Variants in ENPP1 observed in about 807,000 individuals in gnomAD.
ENPP1 encodes the protein ectonucleotide pyrophosphatase/phosphodiesterase family member 1.
Under a neutral mutation model 122.8 loss-of-function variants are expected in ENPP1, and 73 were observed. The ratio of observed to expected loss-of-function variants is 0.59; its 90% CI spans 0.49 to 0.72. The LOEUF (loss-of-function observed/expected upper bound fraction) is 0.72. ENPP1 is among the 30% of genes least tolerant of loss of function. The pLI is 0.00. For synonymous variants in ENPP1, 367 were observed against 391.6 expected (o/e 0.94, Z 0.74); for missense variants, 978 against 1,128.1 (o/e 0.87, Z 1.91).
intron 6 of ENPP1, among the ~76,000 whole-genome samples, chr6:131,857,658 G>A (rs906979576): frequency 6.6e-6 from 1 of 152,028 alleles, no homozygotes; most frequent in South Asian, 2.1e-4. Flanking sequence ...TGTGGGGTGG[G>A]GTGAGGGGGG....
rs140248167 is a variant in ENPP1, at chr6:131,875,849, A to G, written c.1709A>G (p.Tyr570Cys). 6 of 1,613,136 alleles carry G rather than the reference A, an allele frequency of 3.7e-6. No homozygotes were observed. The African/African-American group carries it at 4.0e-5, about 11-fold the overall frequency. ...EADTFENIEVYNLMCDLLNLT... is the reference protein window; with the variant it reads ...EADTFENIEVCNLMCDLLNLT... The stretch of plus-strand genomic sequence containing the variant: ...GACACCTTTGAAAACATTGAAGTCT[A>G]TAACTTAATGTGTGGTAAGTGTGAA... Residue 570 changes from tyrosine (Y) to cysteine (C), a missense_variant, in exon 17 of 25, where the codon TAT (tyrosine) becomes TGT (cysteine). This residue lies in a region of ENPP1 where 644 missense variants were observed against 781.5 expected (regional missense o/e 0.82). Transcript: ENST00000647893.
intron 12 of ENPP1, among the ~76,000 whole-genome samples, chr6:131,868,682 C>T (rs535096022): frequency 6.6e-6 from 1 of 152,350 alleles, no homozygotes; most frequent in South Asian, 2.1e-4. Context: ...TGCTCTCAAG[C>T]TCCCACTGCT....
At chr6:131,840,320 C>G (rs1781724390) in intron 1 of ENPP1, among the ~76,000 whole-genome samples, 1 of 152,168 alleles carries the variant, frequency 6.6e-6, no homozygotes, top group Non-Finnish European at 1.5e-5. Context: ...TGGTCTTCAG[C>G]TACTGTTGAA....
intron 24 of ENPP1, among the ~76,000 whole-genome samples, chr6:131,889,505 T>C (rs971026305): frequency 6.6e-6 from 1 of 152,174 alleles, no homozygotes; most frequent in African/African-American, 2.4e-5. Context: ...GTTTCTGCAT[T>C]AGTTTGCTAA....
chr6:131,827,139 A>G (rs1272275835), intron 1 of ENPP1: 1 of 721,992 alleles, frequency 1.4e-6, no homozygotes, highest in Admixed American at 1.8e-5. Flanking sequence ...TGTTGAGCAT[A>G]AAAAGATGCA....
chr6:131,884,061 AT>A (rs1782346331), intron 22 of ENPP1, among the ~76,000 whole-genome samples: 1 of 152,220 alleles, frequency 6.6e-6, no homozygotes, highest in Non-Finnish European at 1.5e-5. Context: ...ATTAACTTTC[AT>A]TCGGCTTCCT....
intron 7 of ENPP1, among the ~76,000 whole-genome samples, chr6:131,859,380 CT>C (rs1236804784): frequency 1.4e-4 from 21 of 150,724 alleles, no homozygotes; most frequent in African/African-American, 4.6e-4. Context: ...ATTTCAGAGG[CT>C]ACCTTTTTTT....
chr6:131,832,500 G>A (rs1368675182), intron 1 of ENPP1, among the ~76,000 whole-genome samples: 1 of 152,244 alleles, frequency 6.6e-6, no homozygotes, highest in Non-Finnish European at 1.5e-5. Flanking sequence ...AGGCAAGCAT[G>A]CTTCCTCAGG....
chr6:131,878,232 A>C (rs1562183504), intron 18 of ENPP1, among the ~76,000 whole-genome samples: 1 of 151,824 alleles, frequency 6.6e-6, no homozygotes, highest in Non-Finnish European at 1.5e-5. Context: ...CTGTCTGTAC[A>C]AAAAACTAAA....
chr6:131,838,753 C>A (rs1781706213), intron 1 of ENPP1, among the ~76,000 whole-genome samples: 1 of 151,840 alleles, frequency 6.6e-6, no homozygotes, highest in Admixed American at 6.6e-5. Context: ...AAAAGGGTGG[C>A]AGTACAAATC....
chr6:131,894,897 A>G lies in ENPP1; in HGVS notation c.*4386A>G, dbSNP rs1348896917. On this transcript the variant is annotated 3_prime_UTR_variant, in exon 25 of 25. Coordinates refer to ENST00000647893, the MANE Select transcript of ENPP1 (RefSeq NM_006208.3). Reference sequence around the variant, plus strand: ...CACAATCACTCTCCTTCTTTGCGCTATGGTAGGTGTTTACCCATCATAGGA... The same window carrying G: ...CACAATCACTCTCCTTCTTTGCGCTGTGGTAGGTGTTTACCCATCATAGGA... 1 of 152,156 alleles carries G rather than the reference A, an allele frequency of 6.6e-6. No individual in the cohort carries two copies. Among genetic ancestry groups the G allele is most frequent in the Admixed American group, 6.5e-5 (1 of 15,272 alleles). The allele number at this position is 152,156 out of a possible 1,614,324, so 9.4% of individuals were successfully genotyped here.
rs1431711431 is a variant in ENPP1 at position 131,892,028 on chromosome 6, C to T, written c.*1517C>T. The T allele has an allele frequency of 1.3e-5, 2 of 152,000 alleles. No homozygotes were observed. Among genetic ancestry groups the T allele is most frequent in the African/African-American group, 2.4e-5 (1 of 41,396 alleles). The allele number at this position is 152,000 out of a possible 1,614,324, so 9.4% of individuals were successfully genotyped here. A position where few individuals can be genotyped will look rare whatever the true frequency, so the allele number is the denominator to read the frequency against. On this transcript the variant is annotated 3_prime_UTR_variant, in exon 25 of 25. Transcript: ENST00000647893. ...TCTGTCTCTTTGCTGAGACTTTCTACGTTTTCATTTGTTTCAAGTGCATTT... is the reference window on the plus strand; with the variant it reads ...TCTGTCTCTTTGCTGAGACTTTCTATGTTTTCATTTGTTTCAAGTGCATTT...
intron 11 of ENPP1, 42 bp downstream of exon 11, chr6:131,864,980 C>A: frequency 2.4e-6 from 3 of 1,238,312 alleles, no homozygotes; most frequent in South Asian, 2.4e-5. Context: ...TAAACCCAGT[C>A]ATCAAACTGA....
At chr6:131,834,463 C>G (rs987384220) in intron 1 of ENPP1, among the ~76,000 whole-genome samples, 2 of 151,738 alleles carry the variant, frequency 1.3e-5, no homozygotes, top group African/African-American at 4.8e-5. Context: ...TCAAGACAAG[C>G]TTCTCATTCT....
chr6:131,865,016 A>G (rs2114707130), intron 11 of ENPP1, 78 bp downstream of exon 11: 1 of 865,046 alleles, frequency 1.2e-6, no homozygotes. Flanking sequence ...AGGCTGCTAG[A>G]CCATTTTATA....
intron 1 of ENPP1, among the ~76,000 whole-genome samples, chr6:131,813,443 T>A (rs1005211006): frequency 1.3e-5 from 2 of 151,834 alleles, no homozygotes; most frequent in South Asian, 4.2e-4. Flanking sequence ...GGCAGGAGAA[T>A]CGCTTGAACC....
chr6:131,822,581 T>C (rs1781495788), intron 1 of ENPP1, among the ~76,000 whole-genome samples: 2 of 151,928 alleles, frequency 1.3e-5, no homozygotes, highest in South Asian at 4.1e-4. Context: ...CATATCACTT[T>C]TAAAAAAAAA....
rs1361128467 is a variant in ENPP1 at position 131,875,940 on chromosome 6, A to C, written c.1723+77A>C. The C allele has an allele frequency of 2.5e-6, 3 of 1,191,944 alleles. No individual in the cohort carries two copies. In the African/African-American group the frequency reaches 4.5e-5, roughly 18 times the overall value. The allele number at this position is 1,191,944 out of a possible 1,614,324, so 73.8% of individuals were successfully genotyped here. On this transcript the variant is annotated intron_variant, in intron 17 of 24. Coordinates refer to ENST00000647893, the MANE Select transcript of ENPP1 (RefSeq NM_006208.3). ...GATTATCAAAAGCAGGTCACATTGTAGGCAACTTTGTGGAGATGATGGTGA... is the reference window on the plus strand; with the variant it reads ...GATTATCAAAAGCAGGTCACATTGTCGGCAACTTTGTGGAGATGATGGTGA...
intron 24 of ENPP1, among the ~76,000 whole-genome samples, chr6:131,889,692 G>A (rs529652831): frequency 6.6e-6 from 1 of 152,090 alleles, no homozygotes; most frequent in Non-Finnish European, 1.5e-5. Context: ...GTCTATCATT[G>A]TTGGGCACTT....
Sources: allele counts gnomAD v4.1 joint callset (sites outside exome capture counted in the v4.1 genomes callset), GRCh38; gene constraint gnomAD v4.1.1; regional missense constraint gnomAD v4.1.1; transcripts MANE v1.5; gene names NCBI Gene and HGNC (gene_info 2026-07-23, HGNC 2026-07-21).